Variants in VSTM2B observed in about 807,000 individuals in gnomAD.
The protein encoded by VSTM2B is V-set and transmembrane domain-containing protein 2B.
A neutral mutation model predicts 24.0 loss-of-function variants in VSTM2B; 24 were observed. The ratio of observed to expected loss-of-function variants is 1.00; its 90% CI spans 0.72 to 1.40. VSTM2B has a LOEUF of 1.40. Ranked by LOEUF, VSTM2B falls within the 40% of genes most tolerant of loss-of-function variation. The pLI is 0.00. For missense variants in VSTM2B, 399 were observed against 416.4 expected, an observed-to-expected ratio of 0.96 and a Z score of 0.36; for synonymous variants, 226 against 194.4, an observed-to-expected ratio of 1.16 and a Z score of -1.35.
In VSTM2B at chr19:29,564,165, T is replaced by A; in HGVS notation, c.*231T>A. On this transcript the variant is annotated 3_prime_UTR_variant, in exon 5 of 5. Coordinates refer to ENST00000335523, the MANE Select transcript of VSTM2B (RefSeq NM_001146339.2). ...TTGGCCCATGCAGTCTGCATGGGAA[T>A]CAATGATTTCTCTACTTCAATGTAG... The A allele has an allele frequency of 2.2e-6, 1 of 460,638 alleles. No homozygotes were observed. Among genetic ancestry groups the A allele is most frequent in the Non-Finnish European group, 3.9e-6 (1 of 254,948 alleles). The allele number at this position is 460,638 out of a possible 1,614,324, so 28.5% of individuals were successfully genotyped here. A position where few individuals can be genotyped will look rare whatever the true frequency, so the allele number is the denominator to read the frequency against.
At position 29,526,674 on chromosome 19, in the gene VSTM2B, G is replaced by A. The variant is rs1969577552; in HGVS notation, c.82+9G>A. 1.3e-6 allele frequency: 2 copies of A among 1,527,102 alleles called. No individual in the cohort carries two copies. Among genetic ancestry groups the A allele is most frequent in the Admixed American group, 2.0e-5 (1 of 50,316 alleles). 94.6% of individuals were successfully genotyped at this position (1,527,102 alleles called of 1,614,324 possible). On this transcript the variant is annotated intron_variant, in intron 1 of 4. Coordinates refer to ENST00000335523, the MANE Select transcript of VSTM2B (RefSeq NM_001146339.2). The surrounding 1 kb of genome is among the most constrained non-coding windows in gnomAD (Gnocchi z 4.1). ...GCTCTTCGTGGCCGACGGTGAGCGC[G>A]GGAACTTTGCTGCCGCTGTGGACTC...
chr19:29,562,895 T>C (rs1429596606), intron 4 of VSTM2B, among the ~76,000 whole-genome samples: 2 of 152,132 alleles, frequency 1.3e-5, no homozygotes, highest in Admixed American at 6.6e-5. Context: ...ATGATCACAC[T>C]GGAGAGACAG....
chr19:29,551,082 G>A (rs1335863807), intron 4 of VSTM2B, among the ~76,000 whole-genome samples: 2 of 152,228 alleles, frequency 1.3e-5, no homozygotes, highest in African/African-American at 4.8e-5. Context: ...GGCTGCCCTG[G>A]CGAGCTGTGC....
At chr19:29,531,638 C>T (rs911113298) in intron 4 of VSTM2B, among the ~76,000 whole-genome samples, 2 of 152,214 alleles carry the variant, frequency 1.3e-5, no homozygotes, top group Non-Finnish European at 2.9e-5. Context: ...CCGAAGGCCT[C>T]ATCCGTCTTG....
At chr19:29,534,126 G>A (rs1462891608) in intron 4 of VSTM2B, among the ~76,000 whole-genome samples, 1 of 152,228 alleles carries the variant, frequency 6.6e-6, no homozygotes, top group African/African-American at 2.4e-5. Context: ...AGCCAACAAA[G>A]GATTGATGCA....
intron 4 of VSTM2B, among the ~76,000 whole-genome samples, chr19:29,555,145 G>A (rs977009911): frequency 2.0e-5 from 3 of 152,076 alleles, no homozygotes; most frequent in Admixed American, 6.6e-5. Context: ...CTCTAAAATC[G>A]ATCACAAAAT....
At chr19:29,532,046 T>C (rs529619659) in intron 4 of VSTM2B, among the ~76,000 whole-genome samples, 3 of 152,244 alleles carry the variant, frequency 2.0e-5, no homozygotes, top group Non-Finnish European at 4.4e-5. Flanking sequence ...CTCTCAGGCA[T>C]GCATTGTGTA....
intron 4 of VSTM2B, among the ~76,000 whole-genome samples, chr19:29,548,403 C>T (rs1970198710): frequency 1.3e-5 from 2 of 152,204 alleles, no homozygotes; most frequent in Admixed American, 6.5e-5. Context: ...CCTTTAAAGC[C>T]CAACTGCATC....
intron 4 of VSTM2B, among the ~76,000 whole-genome samples, chr19:29,532,580 C>T (rs747700014): frequency 1.1e-4 from 17 of 152,282 alleles, no homozygotes; most frequent in African/African-American, 2.9e-4. Flanking sequence ...GCAGAAGTTC[C>T]GATGTAGGTT....
chr19:29,545,785 A>G (rs915328904), intron 4 of VSTM2B, among the ~76,000 whole-genome samples: 3 of 152,190 alleles, frequency 2.0e-5, no homozygotes, highest in African/African-American at 7.2e-5. Flanking sequence ...CATGAGTGCT[A>G]TGATGAACAT....
chr19:29,558,262 G>A (rs1970455473), intron 4 of VSTM2B, among the ~76,000 whole-genome samples: 1 of 152,082 alleles, frequency 6.6e-6, no homozygotes, highest in Non-Finnish European at 1.5e-5. Flanking sequence ...AGTGTTGGTG[G>A]GAATATAAAT....
rs1024466689 is a variant in VSTM2B, at chr19:29,526,920, C to A, written c.82+255C>A. 2.5e-5 allele frequency: 11 copies of A among 438,544 alleles called. No individual in the cohort carries two copies. Among genetic ancestry groups the A allele is most frequent in the Non-Finnish European group, 2.4e-5 (6 of 250,846 alleles). The allele number at this position is 438,544 out of a possible 1,614,324, so 27.2% of individuals were successfully genotyped here. A position where few individuals can be genotyped will look rare whatever the true frequency, so the allele number is the denominator to read the frequency against. ...GATGCCTGCGGGGAGCGGGAGTAGG[C>A]GCGCCCCAGCCAGGCTCTGGCGGTG... On this transcript the variant is annotated intron_variant, in intron 1 of 4. Transcript: ENST00000335523. This position sits in a 1 kb window ranked among gnomAD's most constrained non-coding sequence, Gnocchi z 4.1.
intron 4 of VSTM2B, among the ~76,000 whole-genome samples, chr19:29,542,301 A>G (rs1252974687): frequency 1.4e-5 from 2 of 147,414 alleles, no homozygotes; most frequent in Non-Finnish European, 3.0e-5. Context: ...ATAGGTGGGT[A>G]AGAAGAAGGA....
rs1168521412 is a variant in VSTM2B, at chr19:29,527,343, C to A, written c.215C>A (p.Pro72His). Residue 72 changes from proline (P) to histidine (H), a missense_variant, in exon 2 of 5, where the codon CCC becomes CAC. Coordinates refer to ENST00000335523, the MANE Select transcript of VSTM2B (RefSeq NM_001146339.2). ...CAGTGGTGGTACCTCAAGGAGCCAC[C>A]CCGGGAGCTGCTGCACGAGCTGGCG... ...EIQWWYLKEPPRELLHELALS... is the reference protein window; with the variant it reads ...EIQWWYLKEPHRELLHELALS... 2 of 1,548,258 alleles carry A rather than the reference C, an allele frequency of 1.3e-6. No individual in the cohort carries two copies. Among genetic ancestry groups the A allele is most frequent in the African/African-American group, 1.4e-5 (1 of 72,892 alleles).
chr19:29,542,836 T>C (rs1429216698), intron 4 of VSTM2B, among the ~76,000 whole-genome samples: 5 of 152,110 alleles, frequency 3.3e-5, no homozygotes, highest in Non-Finnish European at 5.9e-5. Flanking sequence ...AGCAACTGAA[T>C]ACTGCACACT....
chr19:29,542,137 A>G (rs115780899), intron 4 of VSTM2B, among the ~76,000 whole-genome samples: 8,790 of 144,544 alleles, frequency 0.061, 310 homozygotes, highest in Middle Eastern at 0.13. Flanking sequence ...AGGATTATAA[A>G]TAGATGGGTA....
intron 3 of VSTM2B, 111 bp downstream of exon 3, chr19:29,528,573 T>A (rs1969644479): frequency 1.5e-6 from 2 of 1,341,772 alleles, no homozygotes; most frequent in Non-Finnish European, 2.1e-6. Context: ...GCCGCGCAAG[T>A]AGGGCAGCGA....
intron 4 of VSTM2B, among the ~76,000 whole-genome samples, chr19:29,532,191 G>T (rs1389162207): frequency 2.6e-5 from 4 of 152,196 alleles, no homozygotes; most frequent in Non-Finnish European, 4.4e-5. Flanking sequence ...TTAGAAAAAT[G>T]GCAAGGCGTT....
intron 4 of VSTM2B, among the ~76,000 whole-genome samples, chr19:29,539,894 C>T (rs1312477699): frequency 6.6e-6 from 1 of 152,224 alleles, no homozygotes; most frequent in African/African-American, 2.4e-5. Flanking sequence ...CCAGCACAGA[C>T]AGCCCACTGC....
Sources: allele counts gnomAD v4.1 joint callset (sites outside exome capture counted in the v4.1 genomes callset), GRCh38; gene constraint gnomAD v4.1.1; non-coding constraint Gnocchi (gnomAD v3.1); transcripts MANE v1.5; gene names NCBI Gene and HGNC (gene_info 2026-07-23, HGNC 2026-07-21).